RALGAPB: variants seen among roughly 807,000 people sequenced by gnomAD.
RALGAPB encodes the protein ral GTPase-activating protein subunit beta.
RALGAPB carries 25 observed loss-of-function variants against 161.1 expected under a neutral mutation model. That is an observed-to-expected ratio of 0.16 (90% confidence interval 0.11 to 0.22). The LOEUF (loss-of-function observed/expected upper bound fraction) is 0.22, where lower values mean the gene tolerates loss of function less well. Ranked by LOEUF, RALGAPB falls within the 10% of genes least tolerant of loss-of-function variation. The pLI is 1.00. For synonymous variants in RALGAPB, 629 were observed against 626.1 expected (o/e 1.00, Z -0.07); for missense variants, 1,391 against 1,815.2 (o/e 0.77, Z 4.25).
At chr20:38,481,831 G>A (rs1437245001) in intron 1 of RALGAPB, among the ~76,000 whole-genome samples, 1 of 152,232 alleles carries the variant, frequency 6.6e-6, no homozygotes, top group Non-Finnish European at 1.5e-5. Flanking sequence ...GTCCCCGCCA[G>A]TGTCTCTGAA....
chr20:38,514,984 T>C (rs571750253), intron 6 of RALGAPB, among the ~76,000 whole-genome samples: 2 of 152,384 alleles, frequency 1.3e-5, no homozygotes, highest in Non-Finnish European at 2.9e-5. Flanking sequence ...GGTTTACCTC[T>C]GGAGAAGCTG....
chr20:38,479,554 A>G (rs962743136), intron 1 of RALGAPB, among the ~76,000 whole-genome samples: 1 of 152,218 alleles, frequency 6.6e-6, no homozygotes, highest in African/African-American at 2.4e-5. Context: ...CACAACCTCC[A>G]GAGAGAATAC....
At position 38,578,620 on chromosome 20, in the gene RALGAPB, T is replaced by C. The variant is rs1384910813; in HGVS notation, c.*3653T>C. On this transcript the variant is annotated 3_prime_UTR_variant, in exon 30 of 30. Transcript: ENST00000262879. ...TGAATTTCAGTATGTTGCCAAGACA[T>C]GATTTTTTCTTATTGTATTTTCTGT... The C allele has an allele frequency of 6.6e-6, 1 of 152,650 alleles. No homozygotes were observed. Among genetic ancestry groups the C allele is most frequent in the East Asian group, 1.9e-4 (1 of 5,200 alleles). 9.5% of individuals were successfully genotyped at this position (152,650 alleles called of 1,614,324 possible).
intron 18 of RALGAPB, among the ~76,000 whole-genome samples, chr20:38,541,590 A>G (rs888758166): frequency 2.0e-5 from 3 of 152,186 alleles, no homozygotes; most frequent in Non-Finnish European, 2.9e-5. Context: ...TATATTACAT[A>G]GTATAGGTTC....
chr20:38,475,746 C>T (rs1334044736), intron 1 of RALGAPB, among the ~76,000 whole-genome samples: 1 of 151,826 alleles, frequency 6.6e-6, no homozygotes, highest in Non-Finnish European at 1.5e-5. Context: ...TCCTGAGTAG[C>T]TGGGACTACA....
At position 38,565,431 on chromosome 20, in the gene RALGAPB, C is replaced by G. The variant is rs745610635; in HGVS notation, c.3770C>G (p.Ala1257Gly). The G allele has an allele frequency of 2.5e-6, 4 of 1,613,350 alleles. No individual in the cohort carries two copies. Among genetic ancestry groups the G allele is most frequent in the Non-Finnish European group, 3.4e-6 (4 of 1,179,468 alleles). Residue 1257 changes from alanine (A) to glycine (G), a missense_variant, in exon 25 of 30, where the codon GCC (alanine) becomes GGC (glycine). Coordinates refer to ENST00000262879, the MANE Select transcript of RALGAPB (RefSeq NM_020336.4). The stretch of plus-strand genomic sequence containing the variant: ...AAGAAGGTGCTGTATTATGCTGATG[C>G]CCTTACAGAAATTGCTTTTGTGGTT... ...GQKKVLYYADALTEIAFVVPS... is the reference protein window; with the variant it reads ...GQKKVLYYADGLTEIAFVVPS...
intron 4 of RALGAPB, among the ~76,000 whole-genome samples, chr20:38,499,190 G>A (rs1436494139): frequency 6.6e-6 from 1 of 152,072 alleles, no homozygotes; most frequent in Non-Finnish European, 1.5e-5. Flanking sequence ...CCTTGCTGGA[G>A]GATTAAGGCC....
At chr20:38,563,087 A>G (rs1294688799) in intron 24 of RALGAPB, among the ~76,000 whole-genome samples, 1 of 152,202 alleles carries the variant, frequency 6.6e-6, no homozygotes, top group Non-Finnish European at 1.5e-5. Flanking sequence ...AGAGGTATAT[A>G]GAGGAAAAGT....
At chr20:38,572,727 G>T (rs915308598) in intron 28 of RALGAPB, among the ~76,000 whole-genome samples, 1 of 152,146 alleles carries the variant, frequency 6.6e-6, no homozygotes, top group Non-Finnish European at 1.5e-5. Context: ...ACAAATCACA[G>T]ATATCTTAAC....
intron 1 of RALGAPB, among the ~76,000 whole-genome samples, chr20:38,485,906 T>C (rs1239224877): frequency 6.6e-6 from 1 of 152,092 alleles, no homozygotes; most frequent in Non-Finnish European, 1.5e-5. Flanking sequence ...TTAGCATCTT[T>C]TTTCTGTTAC....
chr20:38,560,493 T>A (rs1289198819), intron 23 of RALGAPB, among the ~76,000 whole-genome samples: 1 of 152,232 alleles, frequency 6.6e-6, no homozygotes, highest in Non-Finnish European at 1.5e-5. Context: ...GGGTCTAATA[T>A]GCTTGGAGCT....
chr20:38,484,379 C>T (rs1600827156), intron 1 of RALGAPB, among the ~76,000 whole-genome samples: 1 of 152,284 alleles, frequency 6.6e-6, no homozygotes, highest in East Asian at 1.9e-4. Context: ...GGGGTGACTT[C>T]TGGGGCACCA....
At chr20:38,512,733 C>T (rs1380707676) in intron 6 of RALGAPB, among the ~76,000 whole-genome samples, 1 of 152,096 alleles carries the variant, frequency 6.6e-6, no homozygotes, top group Non-Finnish European at 1.5e-5. Flanking sequence ...CTCCTGGTTT[C>T]CTAAGCAGTT....
intron 13 of RALGAPB, among the ~76,000 whole-genome samples, chr20:38,529,968 A>G (rs1440410415): frequency 2.0e-5 from 3 of 152,230 alleles, no homozygotes; most frequent in Admixed American, 6.5e-5. Flanking sequence ...ACCCCAATCT[A>G]CAGTACATAT....
intron 11 of RALGAPB, 69 bp from the exon 12 acceptor site, chr20:38,525,335 T>C: frequency 9.8e-7 from 1 of 1,021,508 alleles, no homozygotes; most frequent in East Asian, 2.4e-5. Flanking sequence ...ATTGGCATTA[T>C]ATGTATTTGG....
chr20:38,549,612 T>C (rs943540214), intron 20 of RALGAPB, among the ~76,000 whole-genome samples: 3 of 151,486 alleles, frequency 2.0e-5, no homozygotes, highest in African/African-American at 7.3e-5. Flanking sequence ...ATATGTATGC[T>C]GTGTATAATT....
intron 29 of RALGAPB, 30 bp downstream of exon 29, chr20:38,574,328 A>C (rs1164170440): frequency 6.4e-7 from 1 of 1,558,104 alleles, no homozygotes; most frequent in East Asian, 2.3e-5. Flanking sequence ...CCGAAGAGTT[A>C]AATTTTCTTT....
At chr20:38,541,261 C>A in intron 18 of RALGAPB, 69 bp downstream of exon 18, 1 of 1,443,832 alleles carries the variant, frequency 6.9e-7, no homozygotes, top group Non-Finnish European at 9.4e-7. Flanking sequence ...CATGTTGTTT[C>A]ATTTCCTTCC....
chr20:38,517,746 T>G, intron 8 of RALGAPB, 38 bp from the exon 9 acceptor site: 1 of 1,604,916 alleles, frequency 6.2e-7, no homozygotes, highest in Non-Finnish European at 8.5e-7. Context: ...TCTCAGACTT[T>G]TCATTGGTAT....
Sources: allele counts gnomAD v4.1 joint callset (sites outside exome capture counted in the v4.1 genomes callset), GRCh38; gene constraint gnomAD v4.1.1; transcripts MANE v1.5; gene names NCBI Gene and HGNC (gene_info 2026-07-23, HGNC 2026-07-21).